The following CFAP61 variants were observed in gnomAD, a reference collection of about 807,000 sequenced individuals.
CFAP61 encodes cilia- and flagella-associated protein 61.
In CFAP61, 107 loss-of-function variants were observed where a neutral mutation model predicts 135.6. That is an observed-to-expected ratio of 0.79 (90% confidence interval 0.67 to 0.93). The LOEUF (loss-of-function observed/expected upper bound fraction) is 0.93. Ranked by LOEUF, CFAP61 falls within the 40% of genes least tolerant of loss-of-function variation. The pLI is 0.00. For synonymous variants in CFAP61, 575 were observed against 578.5 expected, an observed-to-expected ratio of 0.99 and a Z score of 0.09; for missense variants, 1,507 against 1,556.2, an observed-to-expected ratio of 0.97 and a Z score of 0.53.
At chr20:20,065,293 C>G (rs939470059) in intron 2 of CFAP61, among the ~76,000 whole-genome samples, 5 of 151,974 alleles carry the variant, frequency 3.3e-5, no homozygotes, top group African/African-American at 9.7e-5. Context: ...CACTTGGAAC[C>G]TAGCATGATC....
chr20:20,124,041 A>T (rs2049886791), intron 8 of CFAP61, among the ~76,000 whole-genome samples: 1 of 108,150 alleles, frequency 9.2e-6, no homozygotes. Context: ...TTCTCCACTT[A>T]GTTGCTGTTG....
intron 23 of CFAP61, 96 bp from the exon 24 acceptor site, chr20:20,290,204 C>T: frequency 1.3e-6 from 1 of 797,956 alleles, no homozygotes; most frequent in Non-Finnish European, 2.2e-6. Flanking sequence ...GCATACGCCA[C>T]TGCAGGCATC....
chr20:20,221,643 G>A (rs1225197337), intron 17 of CFAP61: 2 of 152,130 alleles, frequency 1.3e-5, no homozygotes, highest in East Asian at 3.8e-4. Context: ...TATTTGCTGG[G>A]TGATGTGGAA....
chr20:20,122,065 T>C (rs2146696879), intron 8 of CFAP61, among the ~76,000 whole-genome samples: 1 of 152,138 alleles, frequency 6.6e-6, no homozygotes, highest in Non-Finnish European at 1.5e-5. Flanking sequence ...GCAGTATACA[T>C]TGTACTCTAT....
intron 9 of CFAP61, among the ~76,000 whole-genome samples, chr20:20,149,363 G>A (rs2052202176): frequency 6.6e-6 from 1 of 152,198 alleles, no homozygotes; most frequent in Non-Finnish European, 1.5e-5. Context: ...GGGCTGACAT[G>A]CAGCTCCCAC....
At chr20:20,346,211 C>T (rs1384564735) in intron 26 of CFAP61, among the ~76,000 whole-genome samples, 1 of 148,340 alleles carries the variant, frequency 6.7e-6, no homozygotes, top group Non-Finnish European at 1.5e-5. Flanking sequence ...GATTGTGCCA[C>T]TTTAGTCCAG....
At chr20:20,172,128 G>A in intron 13 of CFAP61, 2 of 840,462 alleles carry the variant, frequency 2.4e-6, no homozygotes, top group Non-Finnish European at 2.9e-6. Context: ...AAAAAGAAGA[G>A]GAAAAAGGAT....
intron 3 of CFAP61, among the ~76,000 whole-genome samples, 179 bp from the exon 4 acceptor site, chr20:20,074,123 G>A (rs957476846): frequency 4.6e-5 from 7 of 152,184 alleles, no homozygotes; most frequent in African/African-American, 1.2e-4. Context: ...GGCGGCAAAC[G>A]GAGTCAGTGA....
chr20:20,079,349 G>A (rs530040680), intron 6 of CFAP61, among the ~76,000 whole-genome samples: 1 of 152,248 alleles, frequency 6.6e-6, no homozygotes, highest in East Asian at 1.9e-4. Flanking sequence ...TCCTTGAAGG[G>A]CAGAGTTTCA....
intron 24 of CFAP61, among the ~76,000 whole-genome samples, chr20:20,295,257 T>C (rs1292000644): frequency 2.6e-5 from 4 of 152,118 alleles, no homozygotes; most frequent in African/African-American, 7.2e-5. Flanking sequence ...GGGGATTTAG[T>C]GAGACTCTTG....
intron 26 of CFAP61, among the ~76,000 whole-genome samples, chr20:20,356,329 C>G (rs1458939767): frequency 4.6e-3 from 593 of 129,406 alleles, no homozygotes; most frequent in Non-Finnish European, 7.4e-3. Flanking sequence ...GAAGTGGTCA[C>G]ACTGAGGGGA....
intron 3 of CFAP61, among the ~76,000 whole-genome samples, 166 bp downstream of exon 3, chr20:20,071,170 AG>A (rs1299368555): frequency 2.0e-5 from 3 of 152,270 alleles, no homozygotes; most frequent in East Asian, 1.9e-4. Flanking sequence ...GAGTAGTGCC[AG>A]GGGGGATAGG....
At chr20:20,098,514 GAGA>G (rs1266266883) in intron 7 of CFAP61, 138 bp from the exon 8 acceptor site, 27 of 674,910 alleles carry the variant, frequency 4.0e-5, no homozygotes, top group African/African-American at 2.5e-4. Flanking sequence ...GGAGGCTGGG[GAGA>G]AGAATTGCTT....
At chr20:20,232,637 C>G (rs1761076811) in intron 18 of CFAP61, 2 of 152,188 alleles carry the variant, frequency 1.3e-5, no homozygotes, top group Non-Finnish European at 2.9e-5. Context: ...GTTGCTGTCC[C>G]CTTCTGTTTC....
intron 25 of CFAP61, among the ~76,000 whole-genome samples, chr20:20,333,232 C>T (rs954661193): frequency 3.3e-5 from 5 of 152,200 alleles, no homozygotes; most frequent in South Asian, 2.1e-4. Flanking sequence ...TACGGAGCCT[C>T]TCCCCTGTGC....
chr20:20,114,848 A>G (rs1374360636), intron 8 of CFAP61, among the ~76,000 whole-genome samples: 1 of 152,160 alleles, frequency 6.6e-6, no homozygotes, highest in Non-Finnish European at 1.5e-5. Context: ...ATCATTAAGG[A>G]TAACTTTGTG....
At chr20:20,348,756 A>G (rs1188843160) in intron 26 of CFAP61, among the ~76,000 whole-genome samples, 1 of 151,272 alleles carries the variant, frequency 6.6e-6, no homozygotes, top group Non-Finnish European at 1.5e-5. Flanking sequence ...GTGCAGAAAA[A>G]GCATTTGACA....
intron 8 of CFAP61, among the ~76,000 whole-genome samples, chr20:20,115,086 C>T (rs1468032102): frequency 1.3e-5 from 2 of 151,840 alleles, no homozygotes; most frequent in Non-Finnish European, 1.5e-5. Flanking sequence ...ATATACAATT[C>T]TTTATATGCA....
intron 9 of CFAP61, among the ~76,000 whole-genome samples, chr20:20,144,540 G>A (rs989416063): frequency 1.3e-5 from 2 of 151,802 alleles, no homozygotes; most frequent in Admixed American, 6.6e-5. Context: ...GTGAGTTTGG[G>A]GACAACTTCA....
Sources: gnomAD v4.1 joint callset for allele counts (sites outside exome capture counted in the v4.1 genomes callset) on GRCh38, gnomAD v4.1.1 for gene constraint, MANE v1.5 for transcripts, NCBI Gene and HGNC (gene_info 2026-07-23, HGNC 2026-07-21) for gene names.